The following WFDC1 variants were observed in gnomAD, a reference collection of about 807,000 sequenced individuals.
WFDC1 encodes WAP four-disulfide core domain protein 1.
WFDC1 carries 39 observed loss-of-function variants against 32.9 expected under a neutral mutation model. That is an observed-to-expected ratio of 1.19 (90% CI 0.92 to 1.55). The LOEUF is 1.55. Ranked by LOEUF, WFDC1 falls within the 40% of genes most tolerant of loss-of-function variation. The pLI is 0.00. For missense variants in WFDC1, 386 were observed against 309.5 expected (o/e 1.25, Z -1.85); for synonymous variants, 184 against 137.4 (o/e 1.34, Z -2.37).
rs542141197 is a variant in WFDC1, at chr16:84,325,414, G to A, written c.604+954G>A. Among the ~76,000 whole-genome samples the A allele has an allele frequency of 3.3e-5, 5 of 152,114 alleles. No homozygotes were observed. The East Asian group carries it at 9.7e-4, about 29-fold the overall frequency. Reference sequence around the variant, plus strand: ...GACGAGGTTTCACCTTGTTGGCCAGGCTGGTCTTAAACTCCTGACCTCAGG... The same window carrying A: ...GACGAGGTTTCACCTTGTTGGCCAGACTGGTCTTAAACTCCTGACCTCAGG... On this transcript the variant is annotated intron_variant, in intron 5 of 6. Transcript: ENST00000219454.
intron 1 of WFDC1, among the ~76,000 whole-genome samples, chr16:84,312,412 T>A (rs1907685222): frequency 6.6e-6 from 1 of 152,214 alleles, no homozygotes; most frequent in African/African-American, 2.4e-5. Context: ...CCCACTGTGG[T>A]GTTCTCTTTT....
intron 1 of WFDC1, among the ~76,000 whole-genome samples, chr16:84,297,780 C>A (rs1023108009): frequency 1.3e-5 from 2 of 152,152 alleles, no homozygotes; most frequent in African/African-American, 4.8e-5. Context: ...AATCTTGGAC[C>A]ACTCGCTGCC....
chr16:84,323,082 G>C (rs1437909952), intron 4 of WFDC1, among the ~76,000 whole-genome samples: 3 of 152,222 alleles, frequency 2.0e-5, no homozygotes, highest in Admixed American at 6.5e-5. Context: ...GAGCAGGAAA[G>C]TTTTGGGGAG....
At chr16:84,297,062 A>G (rs1272901648) in intron 1 of WFDC1, 1 of 152,186 alleles carries the variant, frequency 6.6e-6, no homozygotes, top group Non-Finnish European at 1.5e-5. Context: ...ATCTGATTTT[A>G]TCTCCACCAT....
intron 1 of WFDC1, among the ~76,000 whole-genome samples, chr16:84,311,634 T>G (rs1166326555): frequency 7.4e-6 from 1 of 134,390 alleles, no homozygotes; most frequent in Admixed American, 7.9e-5. Context: ...GATCAAACCA[T>G]CCTCCCGCCT....
chr16:84,312,895 A>C (rs1907717534), intron 1 of WFDC1, 66 bp from the exon 2 acceptor site: 1 of 1,046,238 alleles, frequency 9.6e-7, no homozygotes, highest in African/African-American at 1.7e-5. Context: ...CCCCCTTGCA[A>C]GCTCCGGGTG....
intron 4 of WFDC1, among the ~76,000 whole-genome samples, chr16:84,322,834 C>G (rs1179887076): frequency 6.6e-6 from 1 of 152,182 alleles, no homozygotes; most frequent in African/African-American, 2.4e-5. Context: ...TGAGGTCACA[C>G]AGAAGCTGAG....
At chr16:84,312,707 AAC>A (rs1281385406) in intron 1 of WFDC1, among the ~76,000 whole-genome samples, 1 of 152,182 alleles carries the variant, frequency 6.6e-6, no homozygotes, top group Non-Finnish European at 1.5e-5. Context: ...TCCTTCAGCA[AAC>A]ACACCAAGAT....
Position 84,302,148 on chromosome 16 carries a change from C to A in WFDC1, c.144+7033C>A, listed in dbSNP as rs150332247. ...GTGTGACACTGTTTGGATGCAACGT[C>A]CAGAAGAGGCAAATCCAGCGGGACG... On this transcript the variant is annotated intron_variant, in intron 1 of 6. Transcript: ENST00000219454. Among the ~76,000 whole-genome samples the A allele has an allele frequency of 8.1e-3, 1,232 of 152,138 alleles. 20 individuals carry two copies. Among genetic ancestry groups the A allele is most frequent in the African/African-American group, 0.028 (1,171 of 41,492 alleles).
At chr16:84,310,424 C>G (rs867850155) in intron 1 of WFDC1, among the ~76,000 whole-genome samples, 3 of 152,158 alleles carry the variant, frequency 2.0e-5, no homozygotes, top group Admixed American at 6.5e-5. Context: ...TTCTGTGAGT[C>G]AAGTCTAGAT....
intron 1 of WFDC1, among the ~76,000 whole-genome samples, chr16:84,307,007 G>T (rs1230922432): frequency 6.6e-6 from 1 of 152,188 alleles, no homozygotes; most frequent in Non-Finnish European, 1.5e-5. Context: ...AAGGCTGTAT[G>T]AGCAGATCCC....
At chr16:84,310,369 C>T (rs772302712) in intron 1 of WFDC1, among the ~76,000 whole-genome samples, 6 of 152,068 alleles carry the variant, frequency 3.9e-5, no homozygotes, top group Non-Finnish European at 7.4e-5. Context: ...CTGGAGGTGA[C>T]GGCGCCCACA....
At chr16:84,319,599 T>C in intron 4 of WFDC1, 28 bp downstream of exon 4, 1 of 1,607,528 alleles carries the variant, frequency 6.2e-7, no homozygotes, top group Non-Finnish European at 8.5e-7. Flanking sequence ...GCCCTGATCC[T>C]GGCTCCTGCC....
intron 1 of WFDC1, among the ~76,000 whole-genome samples, chr16:84,306,449 C>T (rs369963253): frequency 6.6e-6 from 1 of 152,188 alleles, no homozygotes; most frequent in African/African-American, 2.4e-5. Flanking sequence ...CCAGGAGGAG[C>T]AGCGAATCCT....
chr16:84,311,715 T>TC (rs1907638679), intron 1 of WFDC1, among the ~76,000 whole-genome samples: 1 of 148,308 alleles, frequency 6.7e-6, no homozygotes, highest in Non-Finnish European at 1.5e-5. Flanking sequence ...TTTTTTTTTT[T>TC]TAGTGGAGAA....
At chr16:84,306,215 C>T (rs900579863) in intron 1 of WFDC1, among the ~76,000 whole-genome samples, 2 of 152,080 alleles carry the variant, frequency 1.3e-5, no homozygotes, top group East Asian at 1.9e-4. Context: ...CCTGTATGAT[C>T]GCACAGCCAT....
At chr16:84,297,645 A>AAAC (rs1906688003) in intron 1 of WFDC1, among the ~76,000 whole-genome samples, 1 of 136,110 alleles carries the variant, frequency 7.3e-6, no homozygotes, top group African/African-American at 2.8e-5. Context: ...AAAAAAAAAA[A>AAAC]AACTGTGCCT....
At chr16:84,299,981 A>G (rs1906840267) in intron 1 of WFDC1, among the ~76,000 whole-genome samples, 1 of 152,220 alleles carries the variant, frequency 6.6e-6, no homozygotes, top group Non-Finnish European at 1.5e-5. Context: ...GTGGCCCACA[A>G]CTTGCATTCC....
chr16:84,325,455 G>A (rs1013593046), intron 5 of WFDC1, among the ~76,000 whole-genome samples: 7 of 151,538 alleles, frequency 4.6e-5, no homozygotes, highest in Admixed American at 1.3e-4. Flanking sequence ...TGCCCGCCTC[G>A]GCCTCCCAAA....
Sources: allele counts gnomAD v4.1 joint callset (sites outside exome capture counted in the v4.1 genomes callset), GRCh38; gene constraint gnomAD v4.1.1; transcripts MANE v1.5; gene names NCBI Gene and HGNC (gene_info 2026-07-23, HGNC 2026-07-21).